Variants in SMG6 observed in about 807,000 individuals in gnomAD.
SMG6 encodes the protein SMG6 nonsense mediated mRNA decay factor, also known as telomerase-binding protein EST1A.
In SMG6, 66 loss-of-function variants were observed where a neutral mutation model predicts 142.2. The ratio of observed to expected loss-of-function variants is 0.46; its 90% CI spans 0.38 to 0.57. The LOEUF is 0.57. Ranked by LOEUF, SMG6 falls within the 20% of genes least tolerant of loss-of-function variation. The pLI is 0.00. For synonymous variants in SMG6, 779 were observed against 702.4 expected (o/e 1.11, Z -1.72); for missense variants, 1,793 against 1,832.0 (o/e 0.98, Z 0.39).
intron 4 of SMG6, among the ~76,000 whole-genome samples, chr17:2,293,659 A>G (rs749158472): frequency 6.6e-6 from 1 of 152,122 alleles, no homozygotes; most frequent in Non-Finnish European, 1.5e-5. Flanking sequence ...TAATAGAGAC[A>G]GGGTTTCGCC....
At position 2,061,474 on chromosome 17, in the gene SMG6, G is replaced by GGC. The variant is rs753809183; in HGVS notation, c.*16_*17dup. The GGC allele has an allele frequency of 2.6e-5, 40 of 1,566,512 alleles. 1 individual carries two copies. In the African/African-American group the frequency reaches 4.7e-4, roughly 19 times the overall value. On this transcript the variant is annotated 3_prime_UTR_variant, in exon 19 of 19. Coordinates refer to ENST00000263073, the MANE Select transcript of SMG6 (RefSeq NM_017575.5). ...TTCAGGAACGGTTCCACGGGGGGGG[G>GGC]GCCCCAGTGTGGCTCCCTCAGCCCA...
chr17:2,284,245 A>G (rs2074855256), intron 6 of SMG6, among the ~76,000 whole-genome samples: 1 of 152,186 alleles, frequency 6.6e-6, no homozygotes. Context: ...CAACATTACA[A>G]TGGGAGTAAT....
chr17:2,186,588 G>C, intron 12 of SMG6, 75 bp downstream of exon 12: 1 of 1,535,954 alleles, frequency 6.5e-7, no homozygotes, highest in Non-Finnish European at 8.9e-7. Flanking sequence ...AAACAGAGCA[G>C]GATGAAGAGG....
chr17:2,154,265 T>TG (rs1290916226), intron 13 of SMG6, among the ~76,000 whole-genome samples: 2 of 120,510 alleles, frequency 1.7e-5, no homozygotes, highest in Non-Finnish European at 3.4e-5. Context: ...TGACGGTGAC[T>TG]GGGAAACCTG....
At chr17:2,222,206 A>T (rs933073692) in intron 10 of SMG6, among the ~76,000 whole-genome samples, 25 of 152,150 alleles carry the variant, frequency 1.6e-4, no homozygotes, top group African/African-American at 6.0e-4. Flanking sequence ...TAAATAATAA[A>T]CATATACACA....
At position 2,303,642 on chromosome 17, in the gene SMG6, C is replaced by G. The variant is rs186563376; in HGVS notation, c.79G>C (p.Gly27Arg). ...GILATLAPQA[G>R]SRENMKELKE... ...GGGCGGCGCGACTCACCTCTGCTCC[C>G]GGCCTGCGGGGCCAGAGTAGCCAGG... is the stretch of plus-strand genomic sequence containing the variant. The change falls in exon 1 of 19, where the codon GGG becomes CGG. Residue 27 changes from glycine (G) to arginine (R), a missense_variant. Physicochemically the swap from Gly to Arg is moderately radical, Grantham distance 125 (BLOSUM62 -2). Around this residue, in one of 3 missense-constraint regions of SMG6, gnomAD observed 1,597 missense variants for 1,584.6 expected, o/e 1.01. Transcript: ENST00000263073. 2 of 1,486,232 alleles carry G rather than the reference C, an allele frequency of 1.3e-6. No individual in the cohort carries two copies. Among genetic ancestry groups the G allele is most frequent in the African/African-American group, 1.5e-5 (1 of 68,670 alleles). The allele number at this position is 1,486,232 out of a possible 1,614,324, so 92.1% of individuals were successfully genotyped here. A position where few individuals can be genotyped will look rare whatever the true frequency, so the allele number is the denominator to read the frequency against.
chr17:2,128,506 C>T lies in SMG6; in HGVS notation c.3358-42605G>A, dbSNP rs563844185. ...CTGATGTCAACGGTATTAACCTATA[C>T]GCCAATCCAACTGCCTTATGCTGTA... is the stretch of plus-strand genomic sequence containing the variant. On this transcript the variant is annotated intron_variant, in intron 13 of 18. Transcript: ENST00000263073. Among the ~76,000 whole-genome samples the T allele has an allele frequency of 1.9e-4, 29 of 152,256 alleles. No individual in the cohort carries two copies. In the East Asian group the frequency reaches 2.3e-3, roughly 12 times the overall value.
intron 4 of SMG6, among the ~76,000 whole-genome samples, chr17:2,295,580 A>C (rs1284048777): frequency 6.6e-6 from 1 of 152,164 alleles, no homozygotes; most frequent in African/African-American, 2.4e-5. Flanking sequence ...TAGTAATCTT[A>C]ACATTTGACA....
Position 2,172,712 on chromosome 17 carries a change from G to C in SMG6, c.3303C>G (p.Val1101=), listed in dbSNP as rs754181635. The C allele has an allele frequency of 3.1e-6, 5 of 1,614,092 alleles. No homozygotes were observed. The highest frequency in any genetic ancestry group is 4.2e-6 in the Non-Finnish European group (5 of 1,180,032). ...LEEDRLLSGF[V]PLLAAPQDPC... Reference sequence around the variant, plus strand: ...GGTCCTGAGGGGCAGCCAGCAAGGGGACAAAGCCCGAGAGAAGCCGATCCT... The same window carrying C: ...GGTCCTGAGGGGCAGCCAGCAAGGGCACAAAGCCCGAGAGAAGCCGATCCT... Residue 1101 remains valine (V), a synonymous_variant, in exon 13 of 19, where the codon GTC becomes GTG. Coordinates refer to ENST00000263073, the MANE Select transcript of SMG6 (RefSeq NM_017575.5).
At chr17:2,066,107 G>A (rs963993923) in intron 16 of SMG6, 1 of 182,144 alleles carries the variant, frequency 5.5e-6, no homozygotes, top group African/African-American at 2.3e-5. Flanking sequence ...TCCAGGAGGG[G>A]TAAAGTTCTA....
At chr17:2,290,087 T>C (rs1472189311) in intron 6 of SMG6, among the ~76,000 whole-genome samples, 2 of 152,044 alleles carry the variant, frequency 1.3e-5, no homozygotes, top group Non-Finnish European at 2.9e-5. Context: ...CAATGAGTTA[T>C]CACTTAATAC....
intron 8 of SMG6, among the ~76,000 whole-genome samples, chr17:2,275,247 C>A (rs931017514): frequency 2.0e-5 from 3 of 152,138 alleles, no homozygotes; most frequent in East Asian, 1.9e-4. Context: ...CATGGTGAAA[C>A]CCCATCTCTA....
intron 3 of SMG6, 125 bp downstream of exon 3, chr17:2,297,738 C>T (rs746244277): frequency 5.6e-5 from 58 of 1,044,336 alleles, no homozygotes; most frequent in Non-Finnish European, 7.4e-5. Flanking sequence ...GGCTCAGAAC[C>T]CAAGAAAAGG....
intron 9 of SMG6, among the ~76,000 whole-genome samples, chr17:2,242,656 C>A (rs570477702): frequency 8.6e-4 from 107 of 124,648 alleles, no homozygotes; most frequent in Non-Finnish European, 1.6e-3. Context: ...CACTGCACTT[C>A]AGCCTGGGTA....
At position 2,300,100 on chromosome 17, in the gene SMG6, T is replaced by G; in HGVS notation, c.653A>C (p.Lys218Thr). 1 of 1,614,164 alleles carries G rather than the reference T, an allele frequency of 6.2e-7. No homozygotes were observed. The highest frequency in any genetic ancestry group is 1.6e-4 in the Middle Eastern group (1 of 6,062). The change falls in exon 2 of 19, where the codon AAG (lysine) becomes ACG (threonine). Residue 218 changes from lysine to threonine, a missense_variant. Lys to Thr is a moderately conservative substitution (Grantham distance 78). Coordinates refer to ENST00000263073, the MANE Select transcript of SMG6 (RefSeq NM_017575.5). ...RVGAAKGEKG[K>T]RMGKGEGVRE... The stretch of plus-strand genomic sequence containing the variant: ...CACCCCCTCCCCTTTTCCCATCCTC[T>G]TTCCTTTTTCTCCTTTTGCAGCCCC...
chr17:2,108,546 G>C (rs1218470580), intron 13 of SMG6, among the ~76,000 whole-genome samples: 1 of 152,130 alleles, frequency 6.6e-6, no homozygotes, highest in African/African-American at 2.4e-5. Flanking sequence ...CAGAAGAATT[G>C]CTTGAATCTG....
At chr17:2,114,955 A>AAAATG (rs35719228) in intron 13 of SMG6, among the ~76,000 whole-genome samples, 2 of 72,594 alleles carry the variant, frequency 2.8e-5, no homozygotes, top group South Asian at 7.9e-4. Context: ...ATAAAATAAA[A>AAAATG]AAATGAAATG....
At chr17:2,233,192 G>A (rs1477778900) in intron 10 of SMG6, 2 of 152,336 alleles carry the variant, frequency 1.3e-5, no homozygotes, top group East Asian at 3.9e-4. Flanking sequence ...CACATCTACA[G>A]GGAAGACCCA....
chr17:2,222,760 C>G (rs937541048), intron 10 of SMG6, among the ~76,000 whole-genome samples: 13 of 152,062 alleles, frequency 8.5e-5, no homozygotes, highest in Admixed American at 5.9e-4. Context: ...GACTTTCTTT[C>G]CAAGTTTAAA....
Sources: gnomAD v4.1 joint callset for allele counts (sites outside exome capture counted in the v4.1 genomes callset) on GRCh38, gnomAD v4.1.1 for gene constraint, gnomAD v4.1.1 regional missense constraint, MANE v1.5 for transcripts, NCBI Gene and HGNC (gene_info 2026-07-23, HGNC 2026-07-21) for gene names.